The following PKNOX2 variants were observed in gnomAD, a reference collection of about 807,000 sequenced individuals.
The protein encoded by PKNOX2 is PBX/knotted 1 homeobox 2.
Under a neutral mutation model 53.1 loss-of-function variants are expected in PKNOX2, and 14 were observed. The ratio of observed to expected loss-of-function variants is 0.26; its 90% confidence interval spans 0.17 to 0.41. PKNOX2 has a LOEUF of 0.41. Ranked by LOEUF, PKNOX2 falls within the 10% of genes least tolerant of loss-of-function variation. The pLI, the probability that PKNOX2 is intolerant of heterozygous loss-of-function variation, is 1.00. For missense variants in PKNOX2, 496 were observed against 602.8 expected (o/e 0.82, Z 1.85); for synonymous variants, 257 against 242.8 (o/e 1.06, Z -0.54).
intron 2 of PKNOX2, among the ~76,000 whole-genome samples, chr11:125,315,303 G>GAAAAAAAAAAAAAAAAAAAAAAAAA (rs534448203): frequency 6.7e-4 from 53 of 79,434 alleles, no homozygotes; most frequent in Admixed American, 1.0e-3. Flanking sequence ...TGTGAAGCAG[G>GAAAAAAAAAAAAAAAAAAAAAAAAA]AAAAAAAAAA....
intron 4 of PKNOX2, among the ~76,000 whole-genome samples, chr11:125,355,062 T>C (rs1951527871): frequency 6.7e-6 from 1 of 149,968 alleles, no homozygotes; most frequent in Non-Finnish European, 1.5e-5. Context: ...AGGTCAGGAG[T>C]TCAAGACCAG....
At chr11:125,357,687 C>CA (rs1466373123) in intron 4 of PKNOX2, among the ~76,000 whole-genome samples, 1 of 152,072 alleles carries the variant, frequency 6.6e-6, no homozygotes, top group Non-Finnish European at 1.5e-5. Flanking sequence ...TGCGGCCTGG[C>CA]AGGAGGCAGG....
At chr11:125,234,446 T>A (rs1942496485) in intron 1 of PKNOX2, among the ~76,000 whole-genome samples, 1 of 152,254 alleles carries the variant, frequency 6.6e-6, no homozygotes. Flanking sequence ...CAGATTTTTT[T>A]ATCTTTCCAG....
intron 5 of PKNOX2, among the ~76,000 whole-genome samples, chr11:125,383,853 T>A (rs1197014234): frequency 6.6e-6 from 1 of 151,978 alleles, no homozygotes; most frequent in Admixed American, 6.6e-5. Context: ...GGCTAGACCA[T>A]CCCCTTGAGC....
intron 7 of PKNOX2, among the ~76,000 whole-genome samples, chr11:125,402,872 T>C (rs1954834485): frequency 6.6e-6 from 1 of 152,088 alleles, no homozygotes; most frequent in Non-Finnish European, 1.5e-5. Flanking sequence ...TGCTCCACAA[T>C]AGGATAAACA....
chr11:125,176,279 G>A (rs1955700592), intron 1 of PKNOX2, among the ~76,000 whole-genome samples: 1 of 152,232 alleles, frequency 6.6e-6, no homozygotes, highest in Admixed American at 6.5e-5. Flanking sequence ...TTGGCTTGAA[G>A]CAGGCCTTGA....
chr11:125,290,918 A>T (rs1330046553), intron 2 of PKNOX2, among the ~76,000 whole-genome samples: 1 of 152,094 alleles, frequency 6.6e-6, no homozygotes, highest in African/African-American at 2.4e-5. Flanking sequence ...ACCTGAGCTG[A>T]CCCTAGAAGG....
intron 1 of PKNOX2, among the ~76,000 whole-genome samples, chr11:125,232,098 G>A (rs79617723): frequency 3.3e-5 from 5 of 152,122 alleles, no homozygotes; most frequent in Non-Finnish European, 7.3e-5. Context: ...ATTGGCTTCC[G>A]CTAACATCTA....
At chr11:125,238,942 A>G (rs569339209) in intron 2 of PKNOX2, among the ~76,000 whole-genome samples, 2 of 152,282 alleles carry the variant, frequency 1.3e-5, no homozygotes, top group East Asian at 1.9e-4. Flanking sequence ...TGGCTTCCTC[A>G]TCTCTGGAAT....
intron 2 of PKNOX2, among the ~76,000 whole-genome samples, chr11:125,283,044 C>T (rs1289786912): frequency 1.3e-5 from 2 of 152,024 alleles, no homozygotes; most frequent in South Asian, 2.1e-4. Flanking sequence ...CCCAGCTACT[C>T]GGGAGGCTGA....
chr11:125,337,338 G>A (rs1291394640), intron 3 of PKNOX2, among the ~76,000 whole-genome samples: 4 of 152,126 alleles, frequency 2.6e-5, no homozygotes, highest in Non-Finnish European at 2.9e-5. Flanking sequence ...GGATTTCTTC[G>A]TTTGCTGGGC....
At chr11:125,418,761 T>C (rs1956021000) in intron 10 of PKNOX2, among the ~76,000 whole-genome samples, 1 of 152,064 alleles carries the variant, frequency 6.6e-6, no homozygotes, top group African/African-American at 2.4e-5. Context: ...CAACCTTGGA[T>C]TGAAAATATA....
chr11:125,223,986 G>T (rs1941450912), intron 1 of PKNOX2, among the ~76,000 whole-genome samples: 1 of 152,250 alleles, frequency 6.6e-6, no homozygotes, highest in Admixed American at 6.5e-5. Flanking sequence ...AGGGCCTCTT[G>T]TTACTGGCGA....
At chr11:125,207,803 C>T (rs1220775454) in intron 1 of PKNOX2, among the ~76,000 whole-genome samples, 3 of 152,058 alleles carry the variant, frequency 2.0e-5, no homozygotes, top group Non-Finnish European at 2.9e-5. Flanking sequence ...GCTGGCTGTG[C>T]CAAATGACTC....
At chr11:125,415,746 GAAGT>G (rs1248511151) in intron 10 of PKNOX2, among the ~76,000 whole-genome samples, 2 of 152,180 alleles carry the variant, frequency 1.3e-5, no homozygotes, top group Non-Finnish European at 2.9e-5. Flanking sequence ...GAAAGGGTAT[GAAGT>G]AAGGACAGAC....
chr11:125,410,608 C>G (rs928951675), intron 8 of PKNOX2, 171 bp from the exon 9 acceptor site: 4 of 659,182 alleles, frequency 6.1e-6, no homozygotes, highest in Non-Finnish European at 1.1e-5. Context: ...CTGTCCTAGG[C>G]TCTAGACACC....
chr11:125,416,630 T>C (rs1955900959), intron 10 of PKNOX2, among the ~76,000 whole-genome samples: 1 of 152,094 alleles, frequency 6.6e-6, no homozygotes, highest in Non-Finnish European at 1.5e-5. Context: ...GACTTTCAGA[T>C]AAGCAGGTAG....
intron 3 of PKNOX2, among the ~76,000 whole-genome samples, chr11:125,346,208 G>A (rs986391783): frequency 6.6e-6 from 1 of 152,016 alleles, no homozygotes; most frequent in African/African-American, 2.4e-5. Flanking sequence ...GGGGTAACCT[G>A]GGGGCGTCTG....
chr11:125,304,333 C>T (rs558988255), intron 2 of PKNOX2, among the ~76,000 whole-genome samples: 11 of 152,386 alleles, frequency 7.2e-5, no homozygotes, highest in South Asian at 2.1e-4. Context: ...GGTCTATAAA[C>T]GGCCTGCCTG....
Sources: gnomAD v4.1 joint callset for allele counts (sites outside exome capture counted in the v4.1 genomes callset) on GRCh38, gnomAD v4.1.1 for gene constraint, MANE v1.5 for transcripts, NCBI Gene and HGNC (gene_info 2026-07-23, HGNC 2026-07-21) for gene names.